The following CCDC178 variants were observed in gnomAD, a reference collection of about 807,000 sequenced individuals.
CCDC178 encodes the protein coiled-coil domain containing 178, also known as coiled-coil domain-containing protein 178.
In CCDC178, 126 loss-of-function variants were observed where a neutral mutation model predicts 117.4. The ratio of observed to expected loss-of-function variants is 1.07; its 90% confidence interval spans 0.93 to 1.24. CCDC178 has a LOEUF of 1.24. Among genes scored for constraint, CCDC178 ranks in the 50% most tolerant of loss-of-function variants. The pLI is 0.00. For missense variants in CCDC178, 1,030 were observed against 986.9 expected, an observed-to-expected ratio of 1.04 and a Z score of -0.59; for synonymous variants, 283 against 313.4, an observed-to-expected ratio of 0.90 and a Z score of 1.02.
At chr18:32,986,232 T>C (rs1451862465) in intron 21 of CCDC178, among the ~76,000 whole-genome samples, 3 of 152,050 alleles carry the variant, frequency 2.0e-5, no homozygotes, top group Non-Finnish European at 4.4e-5. Flanking sequence ...GAAATTCCCA[T>C]GAGAGAATCT....
At chr18:33,300,013 G>A (rs2062156457) in intron 11 of CCDC178, among the ~76,000 whole-genome samples, 1 of 152,172 alleles carries the variant, frequency 6.6e-6, no homozygotes, top group Non-Finnish European at 1.5e-5. Flanking sequence ...TGTTTAAGGT[G>A]GGGCATGATG....
chr18:33,012,885 C>T (rs1008855301), intron 21 of CCDC178, among the ~76,000 whole-genome samples: 1 of 152,064 alleles, frequency 6.6e-6, no homozygotes, highest in African/African-American at 2.4e-5. Flanking sequence ...GACTTTAAAA[C>T]CACCCATTTT....
intron 21 of CCDC178, among the ~76,000 whole-genome samples, chr18:32,984,125 T>G (rs1325015503): frequency 6.6e-6 from 1 of 151,922 alleles, no homozygotes; most frequent in Non-Finnish European, 1.5e-5. Flanking sequence ...TAGATGTACT[T>G]AAGAAAAATA....
At chr18:32,943,448 TC>T (rs1568170387) in intron 22 of CCDC178, among the ~76,000 whole-genome samples, 1 of 152,158 alleles carries the variant, frequency 6.6e-6, no homozygotes, top group Non-Finnish European at 1.5e-5. Context: ...AACTAGTGCT[TC>T]TTTTTTTTCC....
At chr18:33,412,205 A>G (rs2063864569) in intron 2 of CCDC178, 95 bp from the exon 3 acceptor site, 1 of 488,384 alleles carries the variant, frequency 2.0e-6, no homozygotes. Flanking sequence ...GATAGTGTAA[A>G]ATGTAAGGAT....
chr18:33,130,615 G>A (rs991758925), intron 20 of CCDC178, among the ~76,000 whole-genome samples: 1 of 151,910 alleles, frequency 6.6e-6, no homozygotes. Flanking sequence ...TGCCCCAGGG[G>A]GCATTCTCTT....
At chr18:33,357,611 T>C (rs2063073887) in intron 6 of CCDC178, among the ~76,000 whole-genome samples, 1 of 152,174 alleles carries the variant, frequency 6.6e-6, no homozygotes. Flanking sequence ...TTTTCTGGAC[T>C]ATAAAGTCAT....
chr18:33,283,824 C>A (rs72948814), intron 12 of CCDC178, among the ~76,000 whole-genome samples: 3 of 152,136 alleles, frequency 2.0e-5, no homozygotes, highest in Non-Finnish European at 4.4e-5. Context: ...TAAATTAGTT[C>A]ATCGTTGTGG....
At chr18:32,963,072 C>A (rs113621466) in intron 22 of CCDC178, among the ~76,000 whole-genome samples, 19 of 152,138 alleles carry the variant, frequency 1.2e-4, no homozygotes, top group African/African-American at 4.6e-4. Flanking sequence ...AAAAAACACA[C>A]AGGGAATTGC....
chr18:33,184,047 T>A (rs887556122), intron 20 of CCDC178, among the ~76,000 whole-genome samples: 1 of 152,066 alleles, frequency 6.6e-6, no homozygotes, highest in Non-Finnish European at 1.5e-5. Context: ...GTATAACTAG[T>A]GGAAATAAGT....
At chr18:33,175,641 C>T (rs2058656718) in intron 20 of CCDC178, among the ~76,000 whole-genome samples, 1 of 152,178 alleles carries the variant, frequency 6.6e-6, no homozygotes. Context: ...ACTGCAATGC[C>T]TTGACTACCT....
chr18:33,018,863 T>C (rs1296917192), intron 21 of CCDC178, among the ~76,000 whole-genome samples: 1 of 152,116 alleles, frequency 6.6e-6, no homozygotes, highest in Non-Finnish European at 1.5e-5. Flanking sequence ...ATGTATACTT[T>C]AAGTGGGTGA....
chr18:33,073,451 T>C (rs983181892), intron 21 of CCDC178, among the ~76,000 whole-genome samples: 4 of 152,170 alleles, frequency 2.6e-5, no homozygotes, highest in African/African-American at 9.6e-5. Context: ...TCTGTATTAC[T>C]GTATATTGAA....
intron 7 of CCDC178, among the ~76,000 whole-genome samples, chr18:33,349,644 A>G (rs575921025): frequency 2.0e-5 from 3 of 151,972 alleles, no homozygotes; most frequent in African/African-American, 7.2e-5. Flanking sequence ...ACATTTTTTA[A>G]AAGTGTTTTT....
At chr18:33,284,545 A>C (rs537296059) in intron 12 of CCDC178, among the ~76,000 whole-genome samples, 221 of 152,258 alleles carry the variant, frequency 1.5e-3, no homozygotes, top group Non-Finnish European at 2.8e-3. Flanking sequence ...CTGTGTGTTT[A>C]TATACAAAAA....
At chr18:33,151,959 AG>A (rs1466120037) in intron 20 of CCDC178, among the ~76,000 whole-genome samples, 3 of 152,222 alleles carry the variant, frequency 2.0e-5, no homozygotes, top group African/African-American at 7.2e-5. Flanking sequence ...CAGATTAAAA[AG>A]AAATTACGTA....
intron 15 of CCDC178, among the ~76,000 whole-genome samples, chr18:33,228,900 C>T (rs1413949329): frequency 6.6e-6 from 1 of 152,160 alleles, no homozygotes; most frequent in Non-Finnish European, 1.5e-5. Flanking sequence ...TCTGAGAGAA[C>T]TACTGAATAC....
At chr18:32,969,365 C>G (rs1283726891) in intron 22 of CCDC178, among the ~76,000 whole-genome samples, 1 of 151,956 alleles carries the variant, frequency 6.6e-6, no homozygotes, top group East Asian at 1.9e-4. Context: ...GTAACATCTT[C>G]CCTAATGCAC....
chr18:33,125,326 G>GA (rs2057990871), intron 20 of CCDC178, among the ~76,000 whole-genome samples: 1 of 151,808 alleles, frequency 6.6e-6, no homozygotes, highest in Non-Finnish European at 1.5e-5. Flanking sequence ...TAGATTTCCA[G>GA]AAAAAAGTGT....
Sources: gnomAD v4.1 joint callset for allele counts (sites outside exome capture counted in the v4.1 genomes callset) on GRCh38, gnomAD v4.1.1 for gene constraint, MANE v1.5 for transcripts, NCBI Gene and HGNC (gene_info 2026-07-23, HGNC 2026-07-21) for gene names.